The following CNTN4 variants were observed in gnomAD, a reference collection of about 807,000 sequenced individuals.
CNTN4 encodes contactin 4, also known as contactin-4.
CNTN4 carries 77 observed loss-of-function variants against 122.5 expected under a neutral mutation model. That is an observed-to-expected ratio of 0.63 (90% CI 0.52 to 0.76). The LOEUF is 0.76. CNTN4 is among the 30% of genes least tolerant of loss of function. The pLI, the probability that CNTN4 is intolerant of heterozygous loss-of-function variation, is 0.00. For synonymous variants in CNTN4, 512 were observed against 447.0 expected (o/e 1.15, Z -1.83); for missense variants, 1,256 against 1,259.1 (o/e 1.00, Z 0.04).
chr3:2,687,712 ATTCAGTCAATTT>A (rs1185246332), intron 4 of CNTN4, among the ~76,000 whole-genome samples: 1 of 152,174 alleles, frequency 6.6e-6, no homozygotes, highest in African/African-American at 2.4e-5. Context: ...CCTGCTGATC[ATTCAGTCAATTT>A]TTTGTAATCG....
At chr3:2,625,647 T>G (rs111397315) in intron 4 of CNTN4, among the ~76,000 whole-genome samples, 4 of 152,352 alleles carry the variant, frequency 2.6e-5, no homozygotes, top group African/African-American at 9.6e-5. Flanking sequence ...GATTCATCCA[T>G]GCTGCTATAA....
intron 3 of CNTN4, among the ~76,000 whole-genome samples, chr3:2,359,639 AC>A (rs746668821): frequency 2.6e-5 from 4 of 152,108 alleles, no homozygotes; most frequent in Non-Finnish European, 4.4e-5. Context: ...TCCCGAATTC[AC>A]GCCATTCTCC....
Position 2,516,188 on chromosome 3 carries a change from T to C in CNTN4, c.-88-55228T>C, listed in dbSNP as rs541127401. Among the ~76,000 whole-genome samples the C allele has an allele frequency of 2.0e-5, 3 of 152,188 alleles. No individual in the cohort carries two copies. The South Asian group carries it at 6.2e-4, about 32-fold the overall frequency. ...GCTATATTTGATGCATATATATATA[T>C]ATTTTTGATGCAGAGTATAAAATTA... is the stretch of plus-strand genomic sequence containing the variant. On this transcript the variant is annotated intron_variant, in intron 3 of 24. Coordinates refer to ENST00000418658, the MANE Select transcript of CNTN4 (RefSeq NM_175607.3).
At chr3:2,840,262 G>T (rs903024945) in intron 7 of CNTN4, among the ~76,000 whole-genome samples, 7 of 152,088 alleles carry the variant, frequency 4.6e-5, no homozygotes, top group African/African-American at 1.7e-4. Context: ...GTTAACCCAA[G>T]ATAAAGTTCT....
intron 6 of CNTN4, among the ~76,000 whole-genome samples, chr3:2,764,173 A>G (rs2090732280): frequency 6.6e-6 from 1 of 152,162 alleles, no homozygotes. Context: ...CATCTTAACT[A>G]GTTCATGTTC....
intron 13 of CNTN4, among the ~76,000 whole-genome samples, chr3:2,926,018 T>C (rs1484680074): frequency 1.3e-5 from 2 of 152,248 alleles, no homozygotes; most frequent in Non-Finnish European, 2.9e-5. Context: ...CGCTGAAGAC[T>C]GCCAGAGCTG....
intron 14 of CNTN4, among the ~76,000 whole-genome samples, chr3:3,006,835 T>G (rs10510248): frequency 6.6e-6 from 1 of 152,050 alleles, no homozygotes; most frequent in Non-Finnish European, 1.5e-5. Flanking sequence ...CAACCTGTTA[T>G]AAGAATTAGA....
rs73112785 is a variant in CNTN4 at position 2,883,517 on chromosome 3, C to T, written c.755+270C>T. On this transcript the variant is annotated intron_variant, in intron 9 of 24. Coordinates refer to ENST00000418658, the MANE Select transcript of CNTN4 (RefSeq NM_175607.3). The stretch of plus-strand genomic sequence containing the variant: ...CTGAAAAAGTATTTTGTTCTATTAT[C>T]ATGACCTGTAATGTGCATGCTGTCT... Among the ~76,000 whole-genome samples, 207 of 152,284 alleles carry T rather than the reference C, an allele frequency of 1.4e-3. 1 individual carries two copies. The highest frequency in any genetic ancestry group is 4.8e-3 in the African/African-American group (201 of 41,562).
chr3:2,301,262 C>A (rs760184555), intron 2 of CNTN4, among the ~76,000 whole-genome samples: 4 of 152,124 alleles, frequency 2.6e-5, no homozygotes, highest in Non-Finnish European at 5.9e-5. Flanking sequence ...AAACAAAAAT[C>A]CATATTAATT....
intron 2 of CNTN4, among the ~76,000 whole-genome samples, chr3:2,266,663 A>G (rs78994464): frequency 6.6e-6 from 1 of 152,074 alleles, no homozygotes; most frequent in Non-Finnish European, 1.5e-5. Flanking sequence ...CCTGCCATTG[A>G]AGAATTTATA....
intron 3 of CNTN4, among the ~76,000 whole-genome samples, chr3:2,417,170 C>A (rs191579461): frequency 6.6e-6 from 1 of 152,284 alleles, no homozygotes; most frequent in East Asian, 1.9e-4. Context: ...TTCCATTTCT[C>A]CACTTCCTCT....
chr3:2,185,886 C>A (rs1175675557), intron 2 of CNTN4, among the ~76,000 whole-genome samples: 1 of 151,842 alleles, frequency 6.6e-6, no homozygotes, highest in Non-Finnish European at 1.5e-5. Context: ...ATAACATATC[C>A]TTGGAACCAT....
chr3:2,948,089 A>T (rs940831425), intron 13 of CNTN4, among the ~76,000 whole-genome samples: 1 of 152,230 alleles, frequency 6.6e-6, no homozygotes, highest in Non-Finnish European at 1.5e-5. Context: ...GTGGCTCACT[A>T]GGACTTGTGT....
intron 23 of CNTN4, among the ~76,000 whole-genome samples, chr3:3,046,994 A>C (rs1700729627): frequency 6.8e-6 from 1 of 146,422 alleles, no homozygotes; most frequent in Non-Finnish European, 1.5e-5. Context: ...CTGATAAAAC[A>C]GACTTTAAAC....
intron 2 of CNTN4, among the ~76,000 whole-genome samples, chr3:2,207,351 C>G (rs1034425611): frequency 6.6e-6 from 1 of 151,998 alleles, no homozygotes; most frequent in Admixed American, 6.6e-5. Flanking sequence ...GAAGGCATGT[C>G]GAAAGCTGAG....
intron 2 of CNTN4, among the ~76,000 whole-genome samples, chr3:2,286,251 T>G: frequency 1.6e-5 from 2 of 121,458 alleles, no homozygotes; most frequent in East Asian, 2.6e-4. Flanking sequence ...CCCCACAACA[T>G]ACACATACAA....
At chr3:2,326,789 A>G (rs2043483173) in intron 2 of CNTN4, among the ~76,000 whole-genome samples, 1 of 152,128 alleles carries the variant, frequency 6.6e-6, no homozygotes, top group Non-Finnish European at 1.5e-5. Flanking sequence ...TATTGTCTCC[A>G]TTTTACAAAC....
chr3:2,963,960 A>G (rs1001131260), intron 13 of CNTN4, among the ~76,000 whole-genome samples: 8 of 152,188 alleles, frequency 5.3e-5, no homozygotes, highest in African/African-American at 1.9e-4. Context: ...TGTCTTTTCC[A>G]ATAGAGTTTA....
chr3:2,132,828 T>A (rs933514554), intron 2 of CNTN4, among the ~76,000 whole-genome samples: 1 of 152,164 alleles, frequency 6.6e-6, no homozygotes, highest in Non-Finnish European at 1.5e-5. Flanking sequence ...TTTCTCTGTT[T>A]TTGTAGACTG....
Sources: allele counts gnomAD v4.1 joint callset (sites outside exome capture counted in the v4.1 genomes callset), GRCh38; gene constraint gnomAD v4.1.1; transcripts MANE v1.5; gene names NCBI Gene and HGNC (gene_info 2026-07-23, HGNC 2026-07-21).